B3GALT1: variants seen among roughly 807,000 people sequenced by gnomAD.
B3GALT1 encodes UDP-Gal:betaGlcNAc beta 1,3-galactosyltransferase, polypeptide 1.
Under a neutral mutation model 23.2 loss-of-function variants are expected in B3GALT1, and 10 were observed. The ratio of observed to expected loss-of-function variants is 0.43; its 90% CI spans 0.27 to 0.73. The LOEUF (loss-of-function observed/expected upper bound fraction) is 0.73. Ranked by LOEUF, B3GALT1 falls within the 30% of genes least tolerant of loss-of-function variation. The probability of loss-of-function intolerance (pLI) is 0.21; values close to 1 mark genes in which losing one functional copy is unlikely to be tolerated. For missense variants in B3GALT1, 299 were observed against 405.4 expected, an observed-to-expected ratio of 0.74 and a Z score of 2.25; for synonymous variants, 156 against 141.5, an observed-to-expected ratio of 1.10 and a Z score of -0.73.
intron 3 of B3GALT1, among the ~76,000 whole-genome samples, chr2:167,773,281 T>C (rs897625531): frequency 1.3e-5 from 2 of 152,192 alleles, no homozygotes; most frequent in Non-Finnish European, 2.9e-5. Context: ...ATATGTATTG[T>C]GTATATATGT....
chr2:167,673,381 T>C (rs535523265), intron 3 of B3GALT1, among the ~76,000 whole-genome samples: 60 of 152,080 alleles, frequency 3.9e-4, no homozygotes, highest in Non-Finnish European at 4.0e-4. Flanking sequence ...TTTCTAAAGA[T>C]AGAAAAGGCA....
intron 3 of B3GALT1, among the ~76,000 whole-genome samples, chr2:167,650,848 C>G (rs1376791438): frequency 3.3e-5 from 5 of 152,106 alleles, no homozygotes; most frequent in African/African-American, 1.2e-4. Context: ...AAGAAATACT[C>G]CCTCTTTGAA....
chr2:167,474,256 C>CTTGACTCT (rs1699461850), intron 1 of B3GALT1, among the ~76,000 whole-genome samples: 1 of 152,134 alleles, frequency 6.6e-6, no homozygotes, highest in Non-Finnish European at 1.5e-5. Context: ...ATTGACTTGA[C>CTTGACTCT]GTCTGGTGAC....
intron 3 of B3GALT1, among the ~76,000 whole-genome samples, chr2:167,679,387 G>T (rs1686489408): frequency 6.6e-6 from 1 of 151,958 alleles, no homozygotes; most frequent in African/African-American, 2.4e-5. Flanking sequence ...CCAAAGTGCT[G>T]GGATTACAGG....
Position 167,463,967 on chromosome 2 carries a change from A to T in B3GALT1, c.-510-26210A>T, listed in dbSNP as rs192110160. Among the ~76,000 whole-genome samples the T allele has an allele frequency of 7.9e-5, 12 of 152,316 alleles. No individual in the cohort carries two copies. In the South Asian group the frequency reaches 1.9e-3, roughly 24 times the overall value. ...ACCCCAATGATCTGAGCAAGAGCTA[A>T]GACAAGCTGTGCTTTGGGCTATGTC... On this transcript the variant is annotated intron_variant, in intron 1 of 4. Transcript: ENST00000392690.
At chr2:167,805,691 C>G (rs1244162712) in intron 3 of B3GALT1, among the ~76,000 whole-genome samples, 2 of 152,160 alleles carry the variant, frequency 1.3e-5, no homozygotes, top group Non-Finnish European at 2.9e-5. Context: ...ATCTATATCT[C>G]TGTTTTGGTA....
At chr2:167,679,928 A>G (rs910534789) in intron 3 of B3GALT1, among the ~76,000 whole-genome samples, 1 of 152,174 alleles carries the variant, frequency 6.6e-6, no homozygotes, top group Non-Finnish European at 1.5e-5. Context: ...TTGGTGATAT[A>G]CTTATTTCAT....
At chr2:167,712,744 G>T (rs1352617340) in intron 3 of B3GALT1, among the ~76,000 whole-genome samples, 5 of 152,000 alleles carry the variant, frequency 3.3e-5, no homozygotes, top group Non-Finnish European at 7.4e-5. Context: ...ACTGCACTTG[G>T]AATTCTTTGA....
chr2:167,828,346 G>A lies in B3GALT1; in HGVS notation c.-230+9553G>A, dbSNP rs112782238. On this transcript the variant is annotated intron_variant, in intron 4 of 4. Coordinates refer to ENST00000392690, the MANE Select transcript of B3GALT1 (RefSeq NM_020981.4). ...TTGCTCTCAAGCTCGAGTGAAATAA[G>A]TCTAACCTGTGATGAACTGCCGAAT... Among the ~76,000 whole-genome samples, 251 of 152,304 alleles carry A rather than the reference G, an allele frequency of 1.6e-3. 2 individuals are homozygous for A. Among genetic ancestry groups the A allele is most frequent in the African/African-American group, 5.9e-3 (244 of 41,568 alleles).
intron 2 of B3GALT1, among the ~76,000 whole-genome samples, chr2:167,589,853 T>C (rs1684644808): frequency 6.6e-6 from 1 of 152,184 alleles, no homozygotes; most frequent in South Asian, 2.1e-4. Flanking sequence ...GTTATAATGC[T>C]TTGAATAATA....
At chr2:167,408,093 A>G (rs1698332932) in intron 1 of B3GALT1, among the ~76,000 whole-genome samples, 1 of 150,624 alleles carries the variant, frequency 6.6e-6, no homozygotes, top group South Asian at 2.1e-4. Flanking sequence ...ACTACAGGCC[A>G]ATATCACTGG....
intron 1 of B3GALT1, among the ~76,000 whole-genome samples, chr2:167,457,641 A>G (rs1699192445): frequency 6.6e-6 from 1 of 152,052 alleles, no homozygotes; most frequent in African/African-American, 2.4e-5. Context: ...TGAAATCATC[A>G]TATACTAATT....
chr2:167,327,258 A>G (rs966561470), intron 1 of B3GALT1, among the ~76,000 whole-genome samples: 6 of 151,978 alleles, frequency 3.9e-5, no homozygotes, highest in African/African-American at 1.4e-4. Context: ...TACAAATTTT[A>G]TTTAGGCTTG....
At chr2:167,732,353 T>G (rs1261078352) in intron 3 of B3GALT1, among the ~76,000 whole-genome samples, 1 of 152,228 alleles carries the variant, frequency 6.6e-6, no homozygotes, top group African/African-American at 2.4e-5. Context: ...TTGTGAGTAG[T>G]ACTGACGTAA....
chr2:167,642,393 TC>T (rs1558934421), intron 2 of B3GALT1, among the ~76,000 whole-genome samples: 1 of 152,216 alleles, frequency 6.6e-6, no homozygotes, highest in East Asian at 1.9e-4. Flanking sequence ...AGTTGTTTTG[TC>T]CATGTTCAAT....
At chr2:167,405,016 C>T (rs1698251465) in intron 1 of B3GALT1, among the ~76,000 whole-genome samples, 1 of 152,104 alleles carries the variant, frequency 6.6e-6, no homozygotes, top group Non-Finnish European at 1.5e-5. Flanking sequence ...TATTTTATCC[C>T]CACCATTACT....
intron 3 of B3GALT1, among the ~76,000 whole-genome samples, chr2:167,784,158 G>T (rs938336085): frequency 6.6e-6 from 1 of 152,100 alleles, no homozygotes; most frequent in Non-Finnish European, 1.5e-5. Flanking sequence ...TTTCTAGCAG[G>T]TCAGCTAAAA....
chr2:167,496,556 A>G (rs912156391), intron 2 of B3GALT1, among the ~76,000 whole-genome samples: 1 of 152,202 alleles, frequency 6.6e-6, no homozygotes, highest in Non-Finnish European at 1.5e-5. Flanking sequence ...GGTAATAGTC[A>G]TTGATTACCT....
rs185220172 is a variant in B3GALT1 at position 167,387,566 on chromosome 2, A to T, written c.-511+94232A>T. On this transcript the variant is annotated intron_variant, in intron 1 of 4. Coordinates refer to ENST00000392690, the MANE Select transcript of B3GALT1 (RefSeq NM_020981.4). Reference sequence around the variant, plus strand: ...CCATTTAACTCAACATTATCTTCTTACTTTAGTAACCACTACACTTGCTGT... The same window carrying T: ...CCATTTAACTCAACATTATCTTCTTTCTTTAGTAACCACTACACTTGCTGT... Among the ~76,000 whole-genome samples, 4 of 152,334 alleles carry T rather than the reference A, an allele frequency of 2.6e-5. 1 individual carries two copies. In the East Asian group the frequency reaches 7.7e-4, roughly 29 times the overall value.
Sources: allele counts gnomAD v4.1 joint callset (sites outside exome capture counted in the v4.1 genomes callset), GRCh38; gene constraint gnomAD v4.1.1; transcripts MANE v1.5; gene names NCBI Gene and HGNC (gene_info 2026-07-23, HGNC 2026-07-21).